SLC35F4: variants seen among roughly 807,000 people sequenced by gnomAD.
SLC35F4 encodes the protein solute carrier family 35 member F4, also known as chromosome 14 open reading frame 36.
In SLC35F4, 24 loss-of-function variants were observed where a neutral mutation model predicts 44.2. The observed-to-expected ratio is 0.54, with a 90% CI of 0.39 to 0.76. The LOEUF (loss-of-function observed/expected upper bound fraction) is 0.76. Among genes scored for constraint, SLC35F4 ranks in the 30% least tolerant of loss-of-function variants. SLC35F4 has a pLI of 0.00. For synonymous variants in SLC35F4, 238 were observed against 223.6 expected, an observed-to-expected ratio of 1.06 and a Z score of -0.57; for missense variants, 562 against 586.1, an observed-to-expected ratio of 0.96 and a Z score of 0.42.
downstream of SLC35F4, among the ~76,000 whole-genome samples, chr14:57,976,593 C>A (rs1881225883): frequency 6.6e-6 from 1 of 152,196 alleles, no homozygotes; most frequent in South Asian, 2.1e-4. Flanking sequence ...GCCATCAAGT[C>A]ACCTGCTTGT....
chr14:57,834,653 T>C (rs187915319), intron 1 of SLC35F4, among the ~76,000 whole-genome samples: 1 of 152,220 alleles, frequency 6.6e-6, no homozygotes, highest in African/African-American at 2.4e-5. Flanking sequence ...AGTCCCAGTA[T>C]GATGAAAGAA....
Position 57,635,241 on chromosome 14 carries a change from T to C in SLC35F4, c.104-41117A>G, listed in dbSNP as rs138364785. Reference sequence around the variant, plus strand: ...AGCCTGGGTGACAAAGCAAGACTCTTACTCAAAAAAAAAAAAAAAAACCCC... The same window carrying C: ...AGCCTGGGTGACAAAGCAAGACTCTCACTCAAAAAAAAAAAAAAAAACCCC... On this transcript the variant is annotated intron_variant, in intron 1 of 7. Transcript: ENST00000556826. Among the ~76,000 whole-genome samples, 772 of 139,036 alleles carry C rather than the reference T, an allele frequency of 5.6e-3. 5 individuals are homozygous for C. The highest frequency in any genetic ancestry group is 0.02 in the African/African-American group (711 of 36,282). The allele number at this position is 139,036 out of a possible 152,430, so 91.2% of individuals were successfully genotyped here. A position where few individuals can be genotyped will look rare whatever the true frequency, so the allele number is the denominator to read the frequency against.
At chr14:57,662,278 C>A (rs2074162685) in intron 1 of SLC35F4, among the ~76,000 whole-genome samples, 1 of 152,102 alleles carries the variant, frequency 6.6e-6, no homozygotes, top group Admixed American at 6.5e-5. Flanking sequence ...GCTGAAATTG[C>A]CACCTGGAAA....
intron 1 of SLC35F4, among the ~76,000 whole-genome samples, chr14:57,666,776 G>A (rs1397169880): frequency 5.9e-5 from 9 of 151,770 alleles, no homozygotes; most frequent in Non-Finnish European, 1.2e-4. Flanking sequence ...AAGCTATCAG[G>A]GCAGTTTCAA....
chr14:57,706,209 T>C (rs1407354520), intron 1 of SLC35F4, among the ~76,000 whole-genome samples: 6 of 152,200 alleles, frequency 3.9e-5, no homozygotes. Flanking sequence ...TCTGTGTCCA[T>C]CTATGTAAAA....
upstream of SLC35F4, among the ~76,000 whole-genome samples, chr14:57,866,957 AAATAATAATAATAAT>A (rs4035380): frequency 0.011 from 1,481 of 136,046 alleles, 26 homozygotes; most frequent in African/African-American, 0.036. Flanking sequence ...AGCTTCCTGC[AAATAATAATAATAAT>A]AATAATAATA....
At chr14:57,625,228 G>A (rs578211181) in intron 1 of SLC35F4, among the ~76,000 whole-genome samples, 10 of 152,060 alleles carry the variant, frequency 6.6e-5, no homozygotes, top group African/African-American at 2.2e-4. Context: ...AAAATACATA[G>A]GAATATCACT....
At chr14:57,783,610 G>T (rs1461715158) in intron 1 of SLC35F4, among the ~76,000 whole-genome samples, 4 of 152,120 alleles carry the variant, frequency 2.6e-5, no homozygotes, top group Admixed American at 2.6e-4. Context: ...GTGCAACAAG[G>T]CCTGGACAAT....
intron 1 of SLC35F4, among the ~76,000 whole-genome samples, chr14:57,859,784 C>T (rs998272297): frequency 1.3e-5 from 2 of 152,128 alleles, no homozygotes; most frequent in African/African-American, 2.4e-5. Context: ...GATTCATTAA[C>T]TGATTATAGG....
chr14:57,759,887 T>TG (rs2077083523), intron 1 of SLC35F4, among the ~76,000 whole-genome samples: 1 of 151,856 alleles, frequency 6.6e-6, no homozygotes, highest in African/African-American at 2.4e-5. Context: ...CTTGTTTTTT[T>TG]TTTTTGTTTG....
At chr14:57,606,434 TTTTAA>T (rs1356655456) in intron 1 of SLC35F4, among the ~76,000 whole-genome samples, 1 of 152,300 alleles carries the variant, frequency 6.6e-6, no homozygotes, top group Non-Finnish European at 1.5e-5. Flanking sequence ...AAGCAACTGA[TTTTAA>T]TTTGTTTTCT....
At chr14:57,800,349 A>C (rs1724555774) in intron 1 of SLC35F4, among the ~76,000 whole-genome samples, 1 of 152,200 alleles carries the variant, frequency 6.6e-6, no homozygotes, top group Non-Finnish European at 1.5e-5. Context: ...CCACAGAAAC[A>C]TCATTCAAAT....
At chr14:57,735,878 C>T (rs527283494) in intron 1 of SLC35F4, among the ~76,000 whole-genome samples, 1 of 152,054 alleles carries the variant, frequency 6.6e-6, no homozygotes, top group African/African-American at 2.4e-5. Flanking sequence ...TGTGCCACCA[C>T]CCCCGGCTAA....
chr14:57,598,663 T>G (rs2070634259), intron 1 of SLC35F4, among the ~76,000 whole-genome samples: 1 of 152,238 alleles, frequency 6.6e-6, no homozygotes, highest in Admixed American at 6.5e-5. Context: ...GTCCCAGCTA[T>G]CATTCAAACA....
intron 1 of SLC35F4, among the ~76,000 whole-genome samples, chr14:57,681,424 A>G (rs2074900732): frequency 6.6e-6 from 1 of 152,158 alleles, no homozygotes; most frequent in African/African-American, 2.4e-5. Flanking sequence ...AAACCCTAGA[A>G]GAAAACCTAG....
At chr14:57,763,296 C>A (rs894915199) in intron 1 of SLC35F4, among the ~76,000 whole-genome samples, 1 of 152,120 alleles carries the variant, frequency 6.6e-6, no homozygotes, top group African/African-American at 2.4e-5. Flanking sequence ...GTTTCTCTAG[C>A]TTATTTGTTG....
intron 1 of SLC35F4, among the ~76,000 whole-genome samples, chr14:57,847,955 C>A (rs1370490636): frequency 6.6e-6 from 1 of 152,018 alleles, no homozygotes; most frequent in East Asian, 1.9e-4. Context: ...GGAAGTTTCA[C>A]TAAAATAACG....
chr14:57,736,430 G>A (rs939640031), intron 1 of SLC35F4, among the ~76,000 whole-genome samples: 5 of 152,198 alleles, frequency 3.3e-5, no homozygotes, highest in Non-Finnish European at 5.9e-5. Flanking sequence ...AGGAGGGCCT[G>A]TATAGTAAAA....
rs35036166 is a variant in SLC35F4, at chr14:57,698,642, CT to C, written c.104-104519del. 7.7e-3 allele frequency among the ~76,000 whole-genome samples: 1,112 copies of C among 144,834 alleles called. 5 individuals carry two copies. Among genetic ancestry groups the C allele is most frequent in the Middle Eastern group, 0.014 (4 of 286 alleles). On this transcript the variant is annotated intron_variant, in intron 1 of 7. Coordinates refer to ENST00000556826, the MANE Select transcript of SLC35F4 (RefSeq NM_001306087.2). Reference sequence around the variant, plus strand: ...CAGCACCACATAGCTAAACATGTCACTTTTTTTTTTTTTTCAATGGAGTCTT... The same window carrying C: ...CAGCACCACATAGCTAAACATGTCACTTTTTTTTTTTTTCAATGGAGTCTT...
Sources: gnomAD v4.1 joint callset for allele counts (sites outside exome capture counted in the v4.1 genomes callset) on GRCh38, gnomAD v4.1.1 for gene constraint, MANE v1.5 for transcripts, NCBI Gene and HGNC (gene_info 2026-07-23, HGNC 2026-07-21) for gene names.